The following RALYL variants were observed in gnomAD, a reference collection of about 807,000 sequenced individuals.
RALYL encodes RALY RNA binding protein like, also known as RNA-binding Raly-like protein.
In RALYL, 29 loss-of-function variants were observed where a neutral mutation model predicts 35.1. The observed-to-expected ratio is 0.83, with a 90% CI of 0.61 to 1.13. The LOEUF (loss-of-function observed/expected upper bound fraction) is 1.13. RALYL is among the 50% of genes most tolerant of loss of function. RALYL has a pLI of 0.00. For missense variants in RALYL, 359 were observed against 360.4 expected (o/e 1.00, Z 0.03); for synonymous variants, 120 against 127.6 (o/e 0.94, Z 0.40).
chr8:84,392,379 G>A (rs1860884016), intron 1 of RALYL, among the ~76,000 whole-genome samples: 1 of 151,652 alleles, frequency 6.6e-6, no homozygotes, highest in African/African-American at 2.4e-5. Context: ...TAGAGATAAA[G>A]TATTCATTTG....
intron 1 of RALYL, among the ~76,000 whole-genome samples, chr8:84,454,445 T>C (rs910188074): frequency 6.6e-6 from 1 of 152,086 alleles, no homozygotes; most frequent in Non-Finnish European, 1.5e-5. Context: ...TAAGGATCAA[T>C]GAGTTTAAGT....
intron 1 of RALYL, among the ~76,000 whole-genome samples, chr8:84,474,525 C>T (rs903063631): frequency 1.3e-5 from 2 of 152,030 alleles, no homozygotes; most frequent in Non-Finnish European, 2.9e-5. Context: ...AGTATATTTC[C>T]TAGCCCTTTA....
At chr8:84,474,444 T>C (rs868809318) in intron 1 of RALYL, among the ~76,000 whole-genome samples, 2 of 152,216 alleles carry the variant, frequency 1.3e-5, no homozygotes, top group Non-Finnish European at 2.9e-5. Context: ...TTTTTCCTAC[T>C]ACAATTTTAT....
At chr8:84,191,916 T>A in intron 1 of RALYL, among the ~76,000 whole-genome samples, 1 of 152,198 alleles carries the variant, frequency 6.6e-6, no homozygotes, top group East Asian at 1.9e-4. Flanking sequence ...TTTGTAACTC[T>A]CAGTGAAGTA....
chr8:84,551,255 C>T (rs927578330), intron 2 of RALYL, among the ~76,000 whole-genome samples: 1 of 151,932 alleles, frequency 6.6e-6, no homozygotes, highest in Non-Finnish European at 1.5e-5. Flanking sequence ...TGTCAAGTTT[C>T]TTTAACAACA....
chr8:84,529,271 G>C lies in RALYL; in HGVS notation c.-23-28G>C, dbSNP rs745565514. The C allele has an allele frequency of 5.2e-6, 8 of 1,544,136 alleles. No individual in the cohort carries two copies. The South Asian group carries it at 6.0e-5, about 12-fold the overall frequency. On this transcript the variant is annotated intron_variant, in intron 1 of 8. Coordinates refer to ENST00000521268, the MANE Select transcript of RALYL (RefSeq NM_173848.7). The stretch of plus-strand genomic sequence containing the variant: ...CTAATGATTTACCTTTTGATTATTT[G>C]TTTTGTTTGTTTGTTTGTTTGTTTA...
chr8:84,840,699 G>A (rs941199085), intron 4 of RALYL, among the ~76,000 whole-genome samples: 1 of 152,304 alleles, frequency 6.6e-6, no homozygotes, highest in Non-Finnish European at 1.5e-5. Flanking sequence ...AGGAAAAAAT[G>A]TTAAGGGCAG....
intron 1 of RALYL, among the ~76,000 whole-genome samples, chr8:84,273,299 G>A (rs1014302074): frequency 6.6e-5 from 10 of 152,236 alleles, no homozygotes; most frequent in Non-Finnish European, 1.5e-4. Flanking sequence ...ATGTGTGGCT[G>A]TTGGCAGGCC....
intron 1 of RALYL, among the ~76,000 whole-genome samples, chr8:84,244,939 TATTA>T (rs1177876881): frequency 6.6e-6 from 1 of 152,144 alleles, no homozygotes; most frequent in Non-Finnish European, 1.5e-5. Flanking sequence ...CAAAAGACTT[TATTA>T]ATTAAGGCAT....
chr8:84,419,105 G>C (rs559266814), intron 1 of RALYL, among the ~76,000 whole-genome samples: 1 of 152,260 alleles, frequency 6.6e-6, no homozygotes, highest in Admixed American at 6.5e-5. Flanking sequence ...GAGCAACTCA[G>C]TTTCCCTTGC....
chr8:84,634,273 A>G (rs572810189), intron 2 of RALYL, among the ~76,000 whole-genome samples: 2 of 151,720 alleles, frequency 1.3e-5, no homozygotes, highest in South Asian at 4.2e-4. Flanking sequence ...CTTTTGACCA[A>G]TATCTTTTGT....
At chr8:84,542,598 G>A (rs2060094104) in intron 2 of RALYL, among the ~76,000 whole-genome samples, 1 of 152,030 alleles carries the variant, frequency 6.6e-6, no homozygotes, top group Non-Finnish European at 1.5e-5. Flanking sequence ...GCCACATCTT[G>A]CTGCCACCAT....
chr8:84,221,975 C>A (rs1406430787), intron 1 of RALYL, among the ~76,000 whole-genome samples: 1 of 151,868 alleles, frequency 6.6e-6, no homozygotes, highest in Non-Finnish European at 1.5e-5. Context: ...AAATATCTAT[C>A]TTTGTGTTTA....
intron 2 of RALYL, among the ~76,000 whole-genome samples, chr8:84,621,264 ACT>A (rs758200811): frequency 6.0e-5 from 9 of 151,176 alleles, no homozygotes; most frequent in African/African-American, 1.9e-4. Flanking sequence ...TGGGCGTAGG[ACT>A]CTCTGAGCCA....
chr8:84,504,496 G>A (rs1484287483), intron 1 of RALYL, among the ~76,000 whole-genome samples: 2 of 151,962 alleles, frequency 1.3e-5, no homozygotes, highest in African/African-American at 2.4e-5. Flanking sequence ...TAAATAAAAG[G>A]CCAACATATT....
chr8:84,896,437 C>A (rs1446174342), intron 8 of RALYL, among the ~76,000 whole-genome samples: 3 of 152,364 alleles, frequency 2.0e-5, no homozygotes. Context: ...CTCCAAAGAG[C>A]TGCCAATTTG....
At chr8:84,450,638 T>A (rs974219577) in intron 1 of RALYL, among the ~76,000 whole-genome samples, 3 of 152,042 alleles carry the variant, frequency 2.0e-5, no homozygotes, top group Admixed American at 2.0e-4. Flanking sequence ...AATTGCTTTT[T>A]TGAAGACCTA....
At chr8:84,615,154 T>C (rs1564240568) in intron 2 of RALYL, among the ~76,000 whole-genome samples, 1 of 151,742 alleles carries the variant, frequency 6.6e-6, no homozygotes, top group Non-Finnish European at 1.5e-5. Context: ...ATATTTGTAG[T>C]TTTTTACGGA....
chr8:84,367,039 G>A (rs557505188), intron 1 of RALYL, among the ~76,000 whole-genome samples: 92 of 151,676 alleles, frequency 6.1e-4, no homozygotes, highest in African/African-American at 1.9e-3. Context: ...AAAACACTCC[G>A]TAGAAATTCT....
Sources: gnomAD v4.1 joint callset for allele counts (sites outside exome capture counted in the v4.1 genomes callset) on GRCh38, gnomAD v4.1.1 for gene constraint, MANE v1.5 for transcripts, NCBI Gene and HGNC (gene_info 2026-07-23, HGNC 2026-07-21) for gene names.